SMG7: variants seen among roughly 807,000 people sequenced by gnomAD.
The protein encoded by SMG7 is nonsense-mediated mRNA decay factor SMG7.
In SMG7, 34 loss-of-function variants were observed where a neutral mutation model predicts 148.2. The observed-to-expected ratio is 0.23, with a 90% CI of 0.17 to 0.31. SMG7 has a LOEUF of 0.31. Ranked by LOEUF, SMG7 falls within the 10% of genes least tolerant of loss-of-function variation. The pLI is 1.00. For missense variants in SMG7, 1,114 were observed against 1,408.4 expected, an observed-to-expected ratio of 0.79 and a Z score of 3.35; for synonymous variants, 492 against 515.1, an observed-to-expected ratio of 0.96 and a Z score of 0.61.
intron 1 of SMG7, chr1:183,502,157 C>A: frequency 3.8e-6 from 3 of 796,974 alleles, no homozygotes; most frequent in Non-Finnish European, 5.2e-6. Flanking sequence ...TTACCTTTCA[C>A]ATGAAGTCAT....
intron 10 of SMG7, 97 bp downstream of exon 10, chr1:183,533,929 A>G: frequency 5.1e-6 from 5 of 978,244 alleles, no homozygotes; most frequent in Non-Finnish European, 7.7e-6. Context: ...ACATTTGAAC[A>G]ATAGAATACT....
At position 183,540,911 on chromosome 1, in the gene SMG7, C is replaced by A. The variant is rs1044938626; in HGVS notation, c.1296-73C>A. 6 of 1,435,504 alleles carry A rather than the reference C, an allele frequency of 4.2e-6. No individual in the cohort carries two copies. The African/African-American group carries it at 8.5e-5, about 20-fold the overall frequency. 88.9% of individuals were successfully genotyped at this position (1,435,504 alleles called of 1,614,324 possible). On this transcript the variant is annotated intron_variant, in intron 12 of 22. Coordinates refer to ENST00000688051, the MANE Select transcript of SMG7 (RefSeq NM_001375584.1). ...GTAATCTGAAGCCATTACAGTTAATCAGGTGAACTTGGTTGCCTGGAAAAT... is the reference window on the plus strand; with the variant it reads ...GTAATCTGAAGCCATTACAGTTAATAAGGTGAACTTGGTTGCCTGGAAAAT...
At chr1:183,514,069 C>G (rs1056042335) in intron 2 of SMG7, among the ~76,000 whole-genome samples, 2 of 144,922 alleles carry the variant, frequency 1.4e-5, no homozygotes, top group Non-Finnish European at 3.0e-5. Flanking sequence ...GATTTAAATA[C>G]GAAATTAGGA....
chr1:183,544,881 A>T (rs2102766952), intron 15 of SMG7, 49 bp from the exon 16 acceptor site: 1 of 1,565,584 alleles, frequency 6.4e-7, no homozygotes, highest in Non-Finnish European at 8.6e-7. Flanking sequence ...TTTTTTTGCA[A>T]TTTTTTGCTG....
intron 1 of SMG7, among the ~76,000 whole-genome samples, chr1:183,477,416 GTGTATGTGTGCATA>G (rs1557934705): frequency 1.3e-5 from 2 of 149,208 alleles, no homozygotes; most frequent in African/African-American, 2.4e-5. Context: ...GTGTGTGTGT[GTGTATGTGTGCATA>G]TGTGTATATA....
chr1:183,542,225 G>A lies in SMG7; in HGVS notation c.1565G>A (p.Gly522Glu). 2 of 1,613,970 alleles carry A rather than the reference G, an allele frequency of 1.2e-6. No individual in the cohort carries two copies. The highest frequency in any genetic ancestry group is 2.2e-5 in the South Asian group (2 of 91,076). Reference sequence around the variant, plus strand: ...TCGCTGGCTGCAGATGGGAGCCCAGGGCTAAAATCAGTGCTATCTACAAGC... The same window carrying A: ...TCGCTGGCTGCAGATGGGAGCCCAGAGCTAAAATCAGTGCTATCTACAAGC... ...IESLAADGSP[G>E]LKSVLSTSRN... Residue 522 changes from glycine to glutamate, a missense_variant, in exon 14 of 23, where the codon GGG becomes GAG. Gly to Glu is a moderately conservative substitution (Grantham distance 98). This residue lies in a region of SMG7 where 788 missense variants were observed against 894.5 expected (regional missense o/e 0.88). Transcript: ENST00000688051.
At chr1:183,486,847 G>T (rs1257650998) in intron 1 of SMG7, among the ~76,000 whole-genome samples, 4 of 152,148 alleles carry the variant, frequency 2.6e-5, no homozygotes, top group Non-Finnish European at 5.9e-5. Flanking sequence ...ACAGGCGCAC[G>T]CCACCACACC....
chr1:183,534,803 G>A (rs115040709), intron 10 of SMG7, among the ~76,000 whole-genome samples: 8,881 of 151,820 alleles, frequency 0.058, 387 homozygotes, highest in East Asian at 0.16. Context: ...GGAAGCAGAG[G>A]TTGCGGTGAG....
At chr1:183,482,724 A>G (rs1654482063) in intron 1 of SMG7, among the ~76,000 whole-genome samples, 1 of 152,174 alleles carries the variant, frequency 6.6e-6, no homozygotes, top group Non-Finnish European at 1.5e-5. Flanking sequence ...TTAAACTATC[A>G]TAGGTAAATC....
At chr1:183,488,401 G>A (rs1656041986) in intron 1 of SMG7, among the ~76,000 whole-genome samples, 1 of 152,172 alleles carries the variant, frequency 6.6e-6, no homozygotes, top group Non-Finnish European at 1.5e-5. Flanking sequence ...AGTTGATAGA[G>A]GAAGGTGGGA....
chr1:183,505,363 C>CTT (rs958591468), intron 1 of SMG7, among the ~76,000 whole-genome samples: 2 of 152,134 alleles, frequency 1.3e-5, no homozygotes, highest in African/African-American at 4.8e-5. Context: ...ACTACTCTTC[C>CTT]TTTTTGTTCT....
intron 4 of SMG7, chr1:183,518,798 A>G (rs1664132235): frequency 6.6e-6 from 1 of 152,230 alleles, no homozygotes; most frequent in South Asian, 2.1e-4. Flanking sequence ...AAATTTTTGT[A>G]TATAAATTAG....
At chr1:183,530,237 G>T (rs1666621019) in intron 8 of SMG7, among the ~76,000 whole-genome samples, 1 of 151,978 alleles carries the variant, frequency 6.6e-6, no homozygotes, top group East Asian at 1.9e-4. Flanking sequence ...TTATTTCTAG[G>T]TATCTATATA....
chr1:183,473,664 A>C (rs1651363664), intron 1 of SMG7: 1 of 779,988 alleles, frequency 1.3e-6, no homozygotes, highest in Non-Finnish European at 1.6e-6. Context: ...TTAACTGGGG[A>C]GTGACTACTG....
rs552434906 is a variant in SMG7 at position 183,484,588 on chromosome 1, C to G, written c.29+11939C>G. ...AATGTGTCACCAGGAACAATTCTCTCTCCCTTTAAATGCTAACAGGGAATT... is the reference window on the plus strand; with the variant it reads ...AATGTGTCACCAGGAACAATTCTCTGTCCCTTTAAATGCTAACAGGGAATT... On this transcript the variant is annotated intron_variant, in intron 1 of 22. Coordinates refer to ENST00000688051, the MANE Select transcript of SMG7 (RefSeq NM_001375584.1). 1.1e-3 allele frequency among the ~76,000 whole-genome samples: 171 copies of G among 152,196 alleles called. 1 individual carries two copies. The highest frequency in any genetic ancestry group is 6.8e-3 in the Middle Eastern group (2 of 294).
intron 1 of SMG7, among the ~76,000 whole-genome samples, chr1:183,491,685 C>G (rs1335969104): frequency 6.6e-6 from 1 of 152,174 alleles, no homozygotes; most frequent in African/African-American, 2.4e-5. Flanking sequence ...TGAATCTTAG[C>G]TAAGAATTCT....
intron 1 of SMG7, among the ~76,000 whole-genome samples, chr1:183,506,089 G>C (rs1660827004): frequency 6.6e-6 from 1 of 152,114 alleles, no homozygotes; most frequent in Non-Finnish European, 1.5e-5. Context: ...TGCATTTGAT[G>C]CTCACTCACT....
intron 1 of SMG7, among the ~76,000 whole-genome samples, chr1:183,473,377 G>A (rs1321920119): frequency 1.3e-5 from 2 of 151,926 alleles, no homozygotes; most frequent in Non-Finnish European, 2.9e-5. Flanking sequence ...AGTGGTGTAA[G>A]GAACTTGTAT....
intron 1 of SMG7, among the ~76,000 whole-genome samples, chr1:183,475,798 T>C (rs1007881281): frequency 6.6e-5 from 10 of 152,282 alleles, no homozygotes; most frequent in African/African-American, 2.4e-4. Flanking sequence ...TTATATTTTA[T>C]AGCTTGACAT....
Sources: gnomAD v4.1 joint callset for allele counts (sites outside exome capture counted in the v4.1 genomes callset) on GRCh38, gnomAD v4.1.1 for gene constraint, gnomAD v4.1.1 regional missense constraint, MANE v1.5 for transcripts, NCBI Gene and HGNC (gene_info 2026-07-23, HGNC 2026-07-21) for gene names.